The following UNC79 variants were observed in gnomAD, a reference collection of about 807,000 sequenced individuals.
The protein encoded by UNC79 is protein unc-79 homolog.
In UNC79, 37 loss-of-function variants were observed where a neutral mutation model predicts 283.1. That is an observed-to-expected ratio of 0.13 (90% CI 0.10 to 0.17). UNC79 has a LOEUF of 0.17. Among genes scored for constraint, UNC79 ranks in the 10% least tolerant of loss-of-function variants. The probability of loss-of-function intolerance (pLI) is 1.00; values close to 1 mark genes in which losing one functional copy is unlikely to be tolerated. For synonymous variants in UNC79, 1,107 were observed against 1,200.2 expected (o/e 0.92, Z 1.61); for missense variants, 2,272 against 3,211.1 (o/e 0.71, Z 7.07).
intron 41 of UNC79, among the ~76,000 whole-genome samples, chr14:93,681,642 A>G (rs891617893): frequency 4.6e-5 from 7 of 152,118 alleles, no homozygotes; most frequent in Admixed American, 3.3e-4. Context: ...TGGTGCTGAA[A>G]CTTCTGAACT....
intron 47 of UNC79, among the ~76,000 whole-genome samples, chr14:93,697,803 A>G (rs756042539): frequency 6.6e-6 from 1 of 152,194 alleles, no homozygotes; most frequent in African/African-American, 2.4e-5. Context: ...ACATGCCTGT[A>G]GTTCTAGCTA....
intron 5 of UNC79, among the ~76,000 whole-genome samples, chr14:93,488,157 A>G (rs936980326): frequency 2.6e-5 from 4 of 152,254 alleles, no homozygotes; most frequent in African/African-American, 9.6e-5. Context: ...TTTCCTTAGA[A>G]TAAACCAACA....
At chr14:93,394,545 G>A (rs2054953559) in intron 1 of UNC79, among the ~76,000 whole-genome samples, 1 of 151,536 alleles carries the variant, frequency 6.6e-6, no homozygotes, top group Non-Finnish European at 1.5e-5. Flanking sequence ...TGAGTAGCTG[G>A]GATTACAGGC....
At chr14:93,466,979 A>T (rs1242764) in intron 1 of UNC79, 3 of 919,612 alleles carry the variant, frequency 3.3e-6, no homozygotes, top group Non-Finnish European at 3.9e-6. Flanking sequence ...TCAGAAAGCT[A>T]TTAGGAAGTC....
intron 1 of UNC79, among the ~76,000 whole-genome samples, chr14:93,423,231 TA>T (rs2055646598): frequency 6.6e-6 from 1 of 151,888 alleles, no homozygotes; most frequent in African/African-American, 2.4e-5. Context: ...AAGAAGGAAA[TA>T]TATTCCATGT....
chr14:93,552,961 G>T (rs1456954976), intron 14 of UNC79, among the ~76,000 whole-genome samples: 1 of 152,168 alleles, frequency 6.6e-6, no homozygotes, highest in Non-Finnish European at 1.5e-5. Context: ...TTCCAATGGG[G>T]TTTTATCGGC....
At chr14:93,338,926 T>G (rs928516783) in intron 1 of UNC79, among the ~76,000 whole-genome samples, 1 of 151,958 alleles carries the variant, frequency 6.6e-6, no homozygotes, top group African/African-American at 2.4e-5. Flanking sequence ...CAAAAAAAAC[T>G]TCAGACAAAT....
chr14:93,686,849 G>A (rs927983273), intron 43 of UNC79, among the ~76,000 whole-genome samples, 188 bp downstream of exon 46: 1 of 152,136 alleles, frequency 6.6e-6, no homozygotes, highest in African/African-American at 2.4e-5. Context: ...GAAGGGAAAG[G>A]ACATTCACAT....
chr14:93,436,305 A>AATATATTTGAC (rs1194081087), intron 1 of UNC79, among the ~76,000 whole-genome samples: 2 of 152,206 alleles, frequency 1.3e-5, no homozygotes, highest in Non-Finnish European at 2.9e-5. Context: ...CAGTTGTCAA[A>AATATATTTGAC]AGTACTTAAA....
At chr14:93,404,409 G>T (rs2055173199) in intron 1 of UNC79, among the ~76,000 whole-genome samples, 1 of 145,104 alleles carries the variant, frequency 6.9e-6, no homozygotes, top group South Asian at 2.2e-4. Flanking sequence ...AAGATTGCTT[G>T]AACCCAGGAG....
At chr14:93,662,798 T>A (rs2071739443) in intron 40 of UNC79, 84 bp downstream of exon 43, 1 of 1,033,470 alleles carries the variant, frequency 9.7e-7, no homozygotes, top group Non-Finnish European at 1.4e-6. Context: ...AAGTCCCTTT[T>A]AGCTCAGTTG....
chr14:93,548,471 T>C (rs2061713747), intron 14 of UNC79, among the ~76,000 whole-genome samples: 1 of 152,204 alleles, frequency 6.6e-6, no homozygotes, highest in South Asian at 2.1e-4. Flanking sequence ...GAAAAACCTT[T>C]TACAACCTCT....
chr14:93,381,614 T>A (rs1172339911), intron 1 of UNC79, among the ~76,000 whole-genome samples: 1 of 152,212 alleles, frequency 6.6e-6, no homozygotes, highest in Non-Finnish European at 1.5e-5. Flanking sequence ...CTTAAGAGTC[T>A]GCCTAAAAAC....
intron 31 of UNC79, among the ~76,000 whole-genome samples, chr14:93,636,627 T>G (rs2068528656): frequency 6.6e-6 from 1 of 152,114 alleles, no homozygotes; most frequent in Admixed American, 6.5e-5. Context: ...TCTCCACCCA[T>G]GCATATGAGA....
At chr14:93,502,422 T>G (rs958206011) in intron 7 of UNC79, among the ~76,000 whole-genome samples, 1 of 151,144 alleles carries the variant, frequency 6.6e-6, no homozygotes, top group Non-Finnish European at 1.5e-5. Flanking sequence ...CAAAAAAAAA[T>G]GCAAAAAATT....
At chr14:93,513,494 C>T (rs144225644) in intron 7 of UNC79, among the ~76,000 whole-genome samples, 153 of 152,166 alleles carry the variant, frequency 1.0e-3, no homozygotes, top group South Asian at 2.5e-3. Flanking sequence ...GCTGGGATTA[C>T]AGACATGAGA....
chr14:93,641,093 G>T, intron 32 of UNC79, 52 bp from the exon 36 acceptor site: 5 of 1,504,588 alleles, frequency 3.3e-6, no homozygotes, highest in Non-Finnish European at 4.6e-6. Flanking sequence ...GCCTTTCTTG[G>T]CCCCTTGAAG....
chr14:93,593,583 G>A (rs752694828), intron 22 of UNC79, 97 bp from the exon 23 acceptor site: 200 of 1,449,484 alleles, frequency 1.4e-4, no homozygotes, highest in Non-Finnish European at 1.7e-4. Flanking sequence ...CCTACCCACC[G>A]TCTTGTAACT....
intron 1 of UNC79, among the ~76,000 whole-genome samples, chr14:93,463,875 C>T (rs572449084): frequency 5.9e-5 from 9 of 152,142 alleles, no homozygotes; most frequent in Non-Finnish European, 1.2e-4. Flanking sequence ...CGGGGCCGGG[C>T]GCTGTGGTTC....
Sources: allele counts gnomAD v4.1 joint callset (sites outside exome capture counted in the v4.1 genomes callset), GRCh38; gene constraint gnomAD v4.1.1; transcripts MANE v1.5; gene names NCBI Gene and HGNC (gene_info 2026-07-23, HGNC 2026-07-21).